Variants in SHLD1 observed in about 807,000 individuals in gnomAD.
SHLD1 encodes RINN1-REV7-interacting novel NHEJ regulator 3.
Under a neutral mutation model 5.5 loss-of-function variants are expected in SHLD1, and 3 were observed. That is an observed-to-expected ratio of 0.54 (90% CI 0.25 to 1.40). The LOEUF (loss-of-function observed/expected upper bound fraction) is 1.40, where lower values mean the gene tolerates loss of function less well. Among genes scored for constraint, SHLD1 ranks in the 40% most tolerant of loss-of-function variants. SHLD1 has a pLI of 0.15. For synonymous variants in SHLD1, 92 were observed against 94.3 expected (o/e 0.98, Z 0.14); for missense variants, 210 against 244.4 (o/e 0.86, Z 0.94).
At chr20:5,787,779 T>G (rs2087079773) in intron 2 of SHLD1, among the ~76,000 whole-genome samples, 1 of 152,252 alleles carries the variant, frequency 6.6e-6, no homozygotes, top group Non-Finnish European at 1.5e-5. Flanking sequence ...CACGGTGCCC[T>G]GCTCATCCAT....
chr20:5,820,900 C>G (rs977612816), intron 2 of SHLD1, among the ~76,000 whole-genome samples: 2 of 152,182 alleles, frequency 1.3e-5, no homozygotes, highest in African/African-American at 4.8e-5. Context: ...TGTCCTAGAT[C>G]TAGGCTGTCT....
chr20:5,816,356 G>A (rs77199671), intron 2 of SHLD1, among the ~76,000 whole-genome samples: 3,444 of 152,222 alleles, frequency 0.023, 75 homozygotes, highest in African/African-American at 0.055. Flanking sequence ...TTCAGAAATA[G>A]TAAAGTTCTA....
chr20:5,826,644 G>C (rs1377588399), intron 2 of SHLD1, among the ~76,000 whole-genome samples: 1 of 152,090 alleles, frequency 6.6e-6, no homozygotes, highest in African/African-American at 2.4e-5. Flanking sequence ...AGTCAGTTCA[G>C]TGCAGTAGTT....
At chr20:5,793,656 A>G (rs73594850) in intron 2 of SHLD1, among the ~76,000 whole-genome samples, 1,755 of 152,260 alleles carry the variant, frequency 0.012, 27 homozygotes, top group African/African-American at 0.04. Context: ...TGATAGCTCT[A>G]TTGTTTTCCA....
chr20:5,832,379 G>C (rs578076554), intron 2 of SHLD1, among the ~76,000 whole-genome samples: 1 of 152,332 alleles, frequency 6.6e-6, no homozygotes, highest in African/African-American at 2.4e-5. Context: ...GTGTAACTTG[G>C]ATTAAGATCG....
chr20:5,849,599 AC>A (rs1352023799), intron 2 of SHLD1, among the ~76,000 whole-genome samples: 1 of 152,182 alleles, frequency 6.6e-6, no homozygotes, highest in African/African-American at 2.4e-5. Flanking sequence ...GTGTCATAAT[AC>A]ATGTATACAT....
chr20:5,860,032 T>G (rs1203396872), intron 2 of SHLD1, among the ~76,000 whole-genome samples: 1 of 152,192 alleles, frequency 6.6e-6, no homozygotes, highest in Non-Finnish European at 1.5e-5. Context: ...GGTTCAACTT[T>G]CCCAGTGTTG....
At chr20:5,830,380 T>G (rs1208816846) in intron 2 of SHLD1, among the ~76,000 whole-genome samples, 1 of 152,188 alleles carries the variant, frequency 6.6e-6, no homozygotes, top group Non-Finnish European at 1.5e-5. Context: ...ATATAAAGTA[T>G]AAAAGACAAA....
At chr20:5,838,012 G>A (rs237098) in intron 2 of SHLD1, among the ~76,000 whole-genome samples, 65,387 of 152,056 alleles carry the variant, frequency 0.43, 16,549 homozygotes, top group African/African-American at 0.7. Context: ...TACCACAGAA[G>A]CAATAACATT....
intron 2 of SHLD1, among the ~76,000 whole-genome samples, chr20:5,799,258 C>T (rs1474174838): frequency 6.6e-6 from 1 of 151,566 alleles, no homozygotes; most frequent in African/African-American, 2.4e-5. Flanking sequence ...CCTCCCCTCC[C>T]CTCCCCTATT....
intron 2 of SHLD1, among the ~76,000 whole-genome samples, chr20:5,844,799 A>ATATATATTTTTTTTTTTTTTTTTTTTTT (rs1460082835): frequency 1.4e-5 from 1 of 71,690 alleles, no homozygotes; most frequent in African/African-American, 4.2e-5. Context: ...ATATATATAT[A>ATATATATTTTTTTTTTTTTTTTTTTTTT]TTTTTTTTTT....
intron 2 of SHLD1, among the ~76,000 whole-genome samples, chr20:5,792,019 A>T (rs751960677): frequency 6.6e-6 from 1 of 152,192 alleles, no homozygotes; most frequent in Non-Finnish European, 1.5e-5. Flanking sequence ...AGAAACATCT[A>T]TTGAAATCCT....
intron 1 of SHLD1, among the ~76,000 whole-genome samples, chr20:5,751,556 C>G (rs147889473): frequency 3.3e-5 from 5 of 152,158 alleles, no homozygotes; most frequent in Admixed American, 3.3e-4. Flanking sequence ...CAACCTGCCT[C>G]AGCCTCTCAA....
chr20:5,762,816 A>G (rs938043735), intron 1 of SHLD1, among the ~76,000 whole-genome samples: 1 of 151,950 alleles, frequency 6.6e-6, no homozygotes, highest in Non-Finnish European at 1.5e-5. Context: ...TTACTAAAAT[A>G]CAAAAAATTA....
In SHLD1 at chr20:5,794,808, T is replaced by G. The variant is rs79457178; in HGVS notation, c.178+21765T>G. Among the ~76,000 whole-genome samples, 1,195 of 152,328 alleles carry G rather than the reference T, an allele frequency of 7.8e-3. 11 individuals carry two copies. The highest frequency in any genetic ancestry group is 0.027 in the African/African-American group (1,139 of 41,582). On this transcript the variant is annotated intron_variant, in intron 2 of 2. Transcript: ENST00000303142. ...TAATCAGTGAAATGAATGAGACCAT[T>G]TTTAAAATTGTTTTCTCTGTACCGT...
chr20:5,817,426 CTCTCTCTGTGTGTGTG>C (rs1414226363), intron 2 of SHLD1, among the ~76,000 whole-genome samples: 15 of 127,038 alleles, frequency 1.2e-4, no homozygotes, highest in South Asian at 9.5e-4. Flanking sequence ...CTCTCTCTCT[CTCTCTCTGTGTGTGTG>C]TGTGTGTGTG....
At chr20:5,860,325 C>G (rs979208806) in intron 2 of SHLD1, among the ~76,000 whole-genome samples, 13 of 152,152 alleles carry the variant, frequency 8.5e-5, no homozygotes, top group African/African-American at 3.1e-4. Context: ...CATCTATCCC[C>G]CCAGAGGTTT....
At chr20:5,841,229 T>A (rs1412897644) in intron 2 of SHLD1, among the ~76,000 whole-genome samples, 3 of 152,086 alleles carry the variant, frequency 2.0e-5, no homozygotes, top group African/African-American at 7.2e-5. Context: ...ACATAAATAT[T>A]TTTTTAATTG....
rs1460082835 is a variant in SHLD1, at chr20:5,844,799, A to ATATTTT, written c.179-18224_179-18223insATTTTT. On this transcript the variant is annotated intron_variant, in intron 2 of 2. Coordinates refer to ENST00000303142, the MANE Select transcript of SHLD1 (RefSeq NM_152504.4). ...TATATATATATATATATATATATAT[A>ATATTTT]TTTTTTTTTTTTTGAGACACAGTCT... Among the ~76,000 whole-genome samples, 370 of 71,678 alleles carry ATATTTT rather than the reference A, an allele frequency of 5.2e-3. 3 individuals are homozygous for ATATTTT. The highest frequency in any genetic ancestry group is 9.3e-3 in the Non-Finnish European group (298 of 32,178). The allele number at this position is 71,678 out of a possible 152,430, so 47.0% of individuals were successfully genotyped here. A position where few individuals can be genotyped will look rare whatever the true frequency, so the allele number is the denominator to read the frequency against.
Sources: gnomAD v4.1 joint callset for allele counts (sites outside exome capture counted in the v4.1 genomes callset) on GRCh38, gnomAD v4.1.1 for gene constraint, MANE v1.5 for transcripts, NCBI Gene and HGNC (gene_info 2026-07-23, HGNC 2026-07-21) for gene names.